The following PIGR variants were observed in gnomAD, a reference collection of about 807,000 sequenced individuals.
The protein encoded by PIGR is polymeric immunoglobulin receptor.
PIGR carries 22 observed loss-of-function variants against 69.5 expected under a neutral mutation model. The ratio of observed to expected loss-of-function variants is 0.32; its 90% CI spans 0.23 to 0.45. The LOEUF (loss-of-function observed/expected upper bound fraction) is 0.45. Among genes scored for constraint, PIGR ranks in the 20% least tolerant of loss-of-function variants. The pLI, the probability that PIGR is intolerant of heterozygous loss-of-function variation, is 1.00. For missense variants in PIGR, 885 were observed against 974.0 expected, an observed-to-expected ratio of 0.91 and a Z score of 1.22; for synonymous variants, 413 against 407.6, an observed-to-expected ratio of 1.01 and a Z score of -0.16.
intron 8 of PIGR, 140 bp downstream of exon 8, chr1:206,932,316 T>C (rs1208798173): frequency 2.9e-6 from 3 of 1,050,288 alleles, no homozygotes; most frequent in East Asian, 2.6e-5. Context: ...TGGGTTTATC[T>C]TTCCCCATCC....
rs529938216 is a variant in PIGR at position 206,935,082 on chromosome 1, T to C, written c.1379-336A>G. On this transcript the variant is annotated intron_variant, in intron 5 of 10. Transcript: ENST00000356495. The surrounding 1 kb of genome is among the most constrained non-coding windows in gnomAD (Gnocchi z 4.4). ...TATGTTATTCTGACTACAGAAGAAA[T>C]GTAATTGTGTGCCTAGGTAATAATT... 6.6e-6 allele frequency among the ~76,000 whole-genome samples: 1 copy of C among 152,270 alleles called. No homozygotes were observed. Among genetic ancestry groups the C allele is most frequent in the South Asian group, 2.1e-4 (1 of 4,812 alleles).
In PIGR at chr1:206,931,534, C is replaced by G; in HGVS notation, c.2162G>C (p.Ser721Thr). 1 of 1,614,086 alleles carries G rather than the reference C, an allele frequency of 6.2e-7. No individual in the cohort carries two copies. The highest frequency in any genetic ancestry group is 8.5e-7 in the Non-Finnish European group (1 of 1,180,004). The change falls in exon 10 of 11, where the codon AGC becomes ACC. Residue 721 changes from serine (S) to threonine (T), a missense_variant. Coordinates refer to ENST00000356495, the MANE Select transcript of PIGR (RefSeq NM_002644.4). ...GKEEFVATTE[S>T]TTETKEPKKA... is the part of the protein sequence containing the mutation. ...CTTGGGTTCTTTGGTCTCTGTGGTGCTCTCAGTGGTGGCAACAAACTCTGT... is the reference window on the plus strand; with the variant it reads ...CTTGGGTTCTTTGGTCTCTGTGGTGGTCTCAGTGGTGGCAACAAACTCTGT...
chr1:206,934,441 C>T lies in PIGR; in HGVS notation c.1684G>A (p.Val562Ile). Residue 562 changes from valine to isoleucine, a missense_variant, in exon 6 of 11, where the codon GTT (valine) becomes ATT (isoleucine). Physicochemically the swap from Val to Ile is conservative, Grantham distance 29. Transcript: ENST00000356495. ...YGETAAVYVAVEERKAAGSRD... is the reference protein window; with the variant it reads ...YGETAAVYVAIEERKAAGSRD... The stretch of plus-strand genomic sequence containing the variant: ...TCACCCGCTGCCTTCCTCTCTTCAA[C>T]TGCCACATAGACGGCTGCAGTCTCT... The T allele has an allele frequency of 6.2e-7, 1 of 1,613,684 alleles. No homozygotes were observed. The highest frequency in any genetic ancestry group is 8.5e-7 in the Non-Finnish European group (1 of 1,179,604).
Position 206,934,726 on chromosome 1 carries a change from G to A in PIGR, c.1399C>T (p.Pro467Ser). The change falls in exon 6 of 11, where the codon CCA becomes TCA. Residue 467 changes from proline to serine, a missense_variant. Transcript: ENST00000356495. The stretch of plus-strand genomic sequence containing the variant: ...CCCAGCACAGCCGTGACATTCCCTG[G>A]TACCTTGAGGTTTGGTTCTCCTGGA... ...IIEGEPNLKVPGNVTAVLGET... is the reference protein window; with the variant it reads ...IIEGEPNLKVSGNVTAVLGET... 1 of 1,606,974 alleles carries A rather than the reference G, an allele frequency of 6.2e-7. No homozygotes were observed.
chr1:206,937,069 C>CA (rs1454598179), intron 4 of PIGR, 26 bp downstream of exon 4: 8 of 1,520,802 alleles, frequency 5.3e-6, no homozygotes, highest in Non-Finnish European at 7.0e-6. Context: ...GCCCCACCTA[C>CA]TCCCCCTCCC....
In PIGR at chr1:206,938,786, T is replaced by C. The variant is rs901671764; in HGVS notation, c.388+333A>G. Among the ~76,000 whole-genome samples, 5 of 152,268 alleles carry C rather than the reference T, an allele frequency of 3.3e-5. No individual in the cohort carries two copies. The East Asian group carries it at 7.7e-4, about 24-fold the overall frequency. On this transcript the variant is annotated intron_variant, in intron 3 of 10. Transcript: ENST00000356495. ...GATCCCTGTAAATCTCTCCCTACCT[T>C]TTCTATCTCCTTAGCCTGATGTCAG...
rs1679698373 is a variant in PIGR at position 206,929,945 on chromosome 1, A to T, written c.*373T>A. 5.0e-6 allele frequency: 1 copy of T among 198,780 alleles called. No individual in the cohort carries two copies. The highest frequency in any genetic ancestry group is 2.3e-5 in the African/African-American group (1 of 43,400). 12.3% of individuals were successfully genotyped at this position (198,780 alleles called of 1,614,324 possible). ...AGGGAGGGATGGAGTGGAGGGAAAA[A>T]TTCTGTTGACATCCCATGATAAGGG... On this transcript the variant is annotated 3_prime_UTR_variant, in exon 11 of 11. Coordinates refer to ENST00000356495, the MANE Select transcript of PIGR (RefSeq NM_002644.4).
intron 2 of PIGR, 37 bp downstream of exon 2, chr1:206,940,452 G>A: frequency 6.5e-7 from 1 of 1,547,270 alleles, no homozygotes; most frequent in Non-Finnish European, 8.7e-7. Flanking sequence ...CAGGCTGAAG[G>A]GGTGGAGCTT....
At chr1:206,940,424 G>A in intron 2 of PIGR, 65 bp downstream of exon 2, 1 of 1,459,134 alleles carries the variant, frequency 6.9e-7, no homozygotes. Flanking sequence ...CCCCAGGGAG[G>A]TGAACCCTGG....
intron 1 of PIGR, among the ~76,000 whole-genome samples, chr1:206,941,807 C>G (rs1403007550): frequency 1.3e-5 from 2 of 152,244 alleles, no homozygotes; most frequent in Non-Finnish European, 2.9e-5. Flanking sequence ...GAGGAGGAGA[C>G]AGAAGTCTCC....
rs567969164 is a variant in PIGR, at chr1:206,937,149, C to G, written c.991G>C (p.Gly331Arg). 3.7e-5 allele frequency: 60 copies of G among 1,612,888 alleles called. No homozygotes were observed. In the Admixed American group the frequency reaches 9.9e-4, roughly 27 times the overall value. The change falls in exon 4 of 11, where the codon GGT (glycine) becomes CGT (arginine). Residue 331 changes from glycine (G) to arginine (R), a missense_variant. Physicochemically the swap from Gly to Arg is moderately radical, Grantham distance 125 (BLOSUM62 -2). Transcript: ENST00000356495. ...GRYLCGAHSDGQLQEGSPIQA... is the reference protein window; with the variant it reads ...GRYLCGAHSDRQLQEGSPIQA... ...ATAGGCGAGCCTTCCTGCAGCTGAC[C>G]ATCCGAATGGGCTCCACACAGGTAG...
At chr1:206,937,013 T>A in intron 4 of PIGR, 82 bp downstream of exon 4, 6 of 1,277,524 alleles carry the variant, frequency 4.7e-6, no homozygotes, top group Non-Finnish European at 6.4e-6. Flanking sequence ...TGACTATTGA[T>A]GAATACACTC....
Position 206,931,729 on chromosome 1 carries a change from G to A in PIGR, c.2082C>T (p.Ala694=). ...TCGAAGAGGCTCCCATGTTGTCATTGGCTCCAAATTCCCTGGAGTTCTCGA... is the reference window on the plus strand; with the variant it reads ...TCGAAGAGGCTCCCATGTTGTCATTAGCTCCAAATTCCCTGGAGTTCTCGA... ...SDFENSREFG[A]NDNMGASSIT... Residue 694 remains alanine (A), a synonymous_variant, in exon 9 of 11, where the codon GCC becomes GCT. Coordinates refer to ENST00000356495, the MANE Select transcript of PIGR (RefSeq NM_002644.4). 1 of 1,614,138 alleles carries A rather than the reference G, an allele frequency of 6.2e-7. No homozygotes were observed. Among genetic ancestry groups the A allele is most frequent in the Non-Finnish European group, 8.5e-7 (1 of 1,180,006 alleles).
chr1:206,935,392 G>GCCCATCAC lies in PIGR; in HGVS notation c.1378+93_1378+94insGTGATGGG. The GCCCATCAC allele has an allele frequency of 9.2e-7, 1 of 1,089,004 alleles. No homozygotes were observed. Among genetic ancestry groups the GCCCATCAC allele is most frequent in the Non-Finnish European group, 1.4e-6 (1 of 735,524 alleles). The allele number at this position is 1,089,004 out of a possible 1,614,324, so 67.5% of individuals were successfully genotyped here. ...TCCCTCCTGAGGTCTGGCCCATCAG[G>GCCCATCAC]GTGGAGGCGGGTGAAAAAGGAGGAA... On this transcript the variant is annotated intron_variant, in intron 5 of 10. Transcript: ENST00000356495. This position sits in a 1 kb window ranked among gnomAD's most constrained non-coding sequence, Gnocchi z 4.4.
chr1:206,937,789 T>C (rs931850037), intron 3 of PIGR, 38 bp from the exon 4 acceptor site: 1 of 1,584,096 alleles, frequency 6.3e-7, no homozygotes, highest in Non-Finnish European at 8.6e-7. Context: ...GGCAGGCAAG[T>C]TACGATTCTA....
rs1485123543 is a variant in PIGR at position 206,940,550 on chromosome 1, G to C, written c.-19C>G. On this transcript the variant is annotated 5_prime_UTR_variant, in exon 2 of 11. Transcript: ENST00000356495. ...GCAGCATTGCTGGTGGGTCCCGAGCGCCGCACCACTCAGGCCGACTTCTCC... is the reference window on the plus strand; with the variant it reads ...GCAGCATTGCTGGTGGGTCCCGAGCCCCGCACCACTCAGGCCGACTTCTCC... 1 of 1,549,682 alleles carries C rather than the reference G, an allele frequency of 6.5e-7. No individual in the cohort carries two copies. Among genetic ancestry groups the C allele is most frequent in the East Asian group, 2.4e-5 (1 of 40,830 alleles).
rs56109601 is a variant in PIGR, at chr1:206,929,996, C to A, written c.*322G>T. Reference sequence around the variant, plus strand: ...TGCAGAGGGGCGCTGCACGTCTCTCCTTTCTGCAATCAGCTCTCCCACCCT... The same window carrying A: ...TGCAGAGGGGCGCTGCACGTCTCTCATTTCTGCAATCAGCTCTCCCACCCT... On this transcript the variant is annotated 3_prime_UTR_variant, in exon 11 of 11. Coordinates refer to ENST00000356495, the MANE Select transcript of PIGR (RefSeq NM_002644.4). The A allele has an allele frequency of 8.9e-4, 256 of 288,184 alleles. No homozygotes were observed. Among genetic ancestry groups the A allele is most frequent in the South Asian group, 2.1e-3 (13 of 6,282 alleles). 17.9% of individuals were successfully genotyped at this position (288,184 alleles called of 1,614,324 possible).
chr1:206,939,237 G>T lies in PIGR; in HGVS notation c.270C>A (p.Asn90Lys). The T allele has an allele frequency of 1.2e-6, 2 of 1,614,186 alleles. No homozygotes were observed. Among genetic ancestry groups the T allele is most frequent in the Non-Finnish European group, 1.7e-6 (2 of 1,180,040 alleles). The change falls in exon 3 of 11, where the codon AAC becomes AAA. Residue 90 changes from asparagine to lysine, a missense_variant. Coordinates refer to ENST00000356495, the MANE Select transcript of PIGR (RefSeq NM_002644.4). ...GGGCAATGTTCACCACAAATGTGCCGTTCTCCGGGAAGTTGGTGAGGTTAG... is the reference window on the plus strand; with the variant it reads ...GGGCAATGTTCACCACAAATGTGCCTTTCTCCGGGAAGTTGGTGAGGTTAG... The part of the protein sequence containing the change: ...GRANLTNFPE[N>K]GTFVVNIAQL...
Position 206,935,840 on chromosome 1 carries a change from G to A in PIGR, c.1046-22C>T. 1 of 1,548,106 alleles carries A rather than the reference G, an allele frequency of 6.5e-7. No homozygotes were observed. The highest frequency in any genetic ancestry group is 1.2e-5 in the South Asian group (1 of 83,176). ...GACTCTGGAAGCACAGACAGAGATG[G>A]GATGGGAGGATGGCCACGCAGGAAG... On this transcript the variant is annotated intron_variant, in intron 4 of 10. Coordinates refer to ENST00000356495, the MANE Select transcript of PIGR (RefSeq NM_002644.4). The surrounding 1 kb of genome is among the most constrained non-coding windows in gnomAD (Gnocchi z 4.4).
Sources: gnomAD v4.1 joint callset for allele counts (sites outside exome capture counted in the v4.1 genomes callset) on GRCh38, gnomAD v4.1.1 for gene constraint, Gnocchi (gnomAD v3.1) non-coding constraint, MANE v1.5 for transcripts, NCBI Gene and HGNC (gene_info 2026-07-23, HGNC 2026-07-21) for gene names.